PMS1: variants seen among roughly 807,000 people sequenced by gnomAD.
PMS1 encodes the protein PMS1 homolog 1, mismatch repair system component.
A neutral mutation model predicts 93.1 loss-of-function variants in PMS1; 79 were observed. The ratio of observed to expected loss-of-function variants is 0.85; its 90% CI spans 0.71 to 1.02. The LOEUF (loss-of-function observed/expected upper bound fraction) is 1.02, where lower values mean the gene tolerates loss of function less well. Among genes scored for constraint, PMS1 ranks in the 50% least tolerant of loss-of-function variants. The probability of loss-of-function intolerance (pLI) is 0.00; values close to 1 mark genes in which losing one functional copy is unlikely to be tolerated. For synonymous variants in PMS1, 335 were observed against 363.4 expected (o/e 0.92, Z 0.89); for missense variants, 1,064 against 1,085.3 (o/e 0.98, Z 0.28).
chr2:189,857,551 G>C (rs2055472908), intron 9 of PMS1: 2 of 423,138 alleles, frequency 4.7e-6, no homozygotes, highest in Non-Finnish European at 9.7e-6. Context: ...TAGACCTTCA[G>C]TCCATCCTTT....
intron 1 of PMS1, 118 bp from the exon 2 acceptor site, chr2:189,791,672 G>A (rs1396753946): frequency 1.4e-4 from 100 of 709,770 alleles, no homozygotes; most frequent in South Asian, 1.2e-3. Flanking sequence ...ACAGTTGAGC[G>A]TAGCATACAG....
intron 4 of PMS1, among the ~76,000 whole-genome samples, chr2:189,816,114 C>T (rs1383698284): frequency 2.0e-5 from 3 of 152,172 alleles, no homozygotes; most frequent in African/African-American, 4.8e-5. Context: ...CCAGTCTGGT[C>T]TCTACTTCCT....
At chr2:189,844,152 AG>A in intron 6 of PMS1, 72 bp downstream of exon 6, 1 of 1,604,272 alleles carries the variant, frequency 6.2e-7, no homozygotes, top group Non-Finnish European at 8.5e-7. Context: ...CCTTTGGGGG[AG>A]TTACAGTGGC....
At chr2:189,831,619 C>A (rs1392413151) in intron 5 of PMS1, among the ~76,000 whole-genome samples, 4 of 152,082 alleles carry the variant, frequency 2.6e-5, no homozygotes, top group African/African-American at 9.7e-5. Flanking sequence ...TAATGTATTA[C>A]CTTCATGAAT....
At chr2:189,842,636 G>A (rs1386038457) in intron 5 of PMS1, among the ~76,000 whole-genome samples, 5 of 152,188 alleles carry the variant, frequency 3.3e-5, no homozygotes, top group Non-Finnish European at 7.3e-5. Flanking sequence ...GAGGACAGCT[G>A]CCTCAGACAC....
Position 189,873,515 on chromosome 2 carries a change from T to C in PMS1, c.2493T>C (p.Asn831=), listed in dbSNP as rs576339546. 1.3e-6 allele frequency: 2 copies of C among 1,596,052 alleles called. No individual in the cohort carries two copies. The highest frequency in any genetic ancestry group is 2.2e-5 in the South Asian group (2 of 90,630). The part of the protein sequence containing the change: ...KLIPGVSITE[N]YLEIEGMANC... ...TTTCAGGAGTTTCAATTACTGAAAATTACTTGGAAATAGAAGGAATGGCTA... is the reference window on the plus strand; with the variant it reads ...TTTCAGGAGTTTCAATTACTGAAAACTACTTGGAAATAGAAGGAATGGCTA... Residue 831 remains asparagine, a synonymous_variant, in exon 12 of 13, where the codon AAT becomes AAC. Transcript: ENST00000441310.
intron 4 of PMS1, among the ~76,000 whole-genome samples, chr2:189,815,827 G>A (rs1385165923): frequency 1.3e-5 from 2 of 152,148 alleles, no homozygotes; most frequent in South Asian, 4.1e-4. Context: ...ACCCACATTA[G>A]CATCTTCTGT....
intron 3 of PMS1, among the ~76,000 whole-genome samples, chr2:189,801,752 T>A (rs1310086188): frequency 6.6e-6 from 1 of 152,226 alleles, no homozygotes; most frequent in Non-Finnish European, 1.5e-5. Flanking sequence ...TTTTTTTCAT[T>A]TATCAAGTGA....
Position 189,864,300 on chromosome 2 carries a change from G to A in PMS1, c.2342+72G>A. ...AGTTCATACTAGATTAAAATCGAAG[G>A]TAGAAGGTTGGGAATGTTTCCTAGT... On this transcript the variant is annotated intron_variant, in intron 10 of 12. Coordinates refer to ENST00000441310, the MANE Select transcript of PMS1 (RefSeq NM_000534.5). 2.8e-6 allele frequency: 3 copies of A among 1,056,894 alleles called. No homozygotes were observed. The South Asian group carries it at 3.8e-5, about 14-fold the overall frequency. The allele number at this position is 1,056,894 out of a possible 1,614,324, so 65.5% of individuals were successfully genotyped here.
intron 5 of PMS1, among the ~76,000 whole-genome samples, chr2:189,838,853 C>T (rs1027815012): frequency 6.6e-6 from 1 of 152,190 alleles, no homozygotes; most frequent in Admixed American, 6.5e-5. Context: ...AAAGCTGTAG[C>T]ATGATAGCTA....
chr2:189,818,701 C>T (rs1433629569), intron 5 of PMS1, among the ~76,000 whole-genome samples: 1 of 152,076 alleles, frequency 6.6e-6, no homozygotes, highest in Non-Finnish European at 1.5e-5. Flanking sequence ...TCTATATGAT[C>T]TGATTGAACT....
rs1238300469 is a variant in PMS1 at position 189,854,454 on chromosome 2, G to A, written c.1182G>A (p.Met394Ile). 1 of 1,612,164 alleles carries A rather than the reference G, an allele frequency of 6.2e-7. No homozygotes were observed. The highest frequency in any genetic ancestry group is 1.7e-5 in the Admixed American group (1 of 59,968). Residue 394 changes from methionine to isoleucine, a missense_variant, in exon 9 of 13, where the codon ATG becomes ATA. Met to Ile is a conservative substitution (Grantham distance 10). Coordinates refer to ENST00000441310, the MANE Select transcript of PMS1 (RefSeq NM_000534.5). ...CAGTCATTCCATTCCAAAATGATAT[G>A]CATAATGATGAATCTGGAAAAAACA... ...DTSVIPFQND[M>I]HNDESGKNTD...
At chr2:189,827,185 GAAC>G (rs906110408) in intron 5 of PMS1, among the ~76,000 whole-genome samples, 2 of 152,140 alleles carry the variant, frequency 1.3e-5, no homozygotes, top group African/African-American at 4.8e-5. Flanking sequence ...CAGTCAAATA[GAAC>G]AACATAATTG....
At chr2:189,794,628 T>C (rs943994553) in intron 2 of PMS1, among the ~76,000 whole-genome samples, 10 of 152,372 alleles carry the variant, frequency 6.6e-5, no homozygotes, top group South Asian at 4.1e-4. Flanking sequence ...TCTGTGGTCA[T>C]ACACATAAGA....
chr2:189,785,502 A>G (rs1463970096), intron 1 of PMS1: 1 of 152,200 alleles, frequency 6.6e-6, no homozygotes, highest in Non-Finnish European at 1.5e-5. Context: ...TCCATTTGGT[A>G]CACATATGGT....
At chr2:189,830,766 G>T (rs1174839365) in intron 5 of PMS1, among the ~76,000 whole-genome samples, 1 of 152,176 alleles carries the variant, frequency 6.6e-6, no homozygotes, top group Non-Finnish European at 1.5e-5. Context: ...CAGCCCAGCT[G>T]GACTGTAAGC....
intron 4 of PMS1, chr2:189,806,047 C>T: frequency 1.3e-6 from 1 of 761,236 alleles, no homozygotes; most frequent in Non-Finnish European, 1.9e-6. Flanking sequence ...CCAGTGTCAT[C>T]TTCATATATG....
intron 5 of PMS1, among the ~76,000 whole-genome samples, chr2:189,825,912 T>C (rs1309472408): frequency 6.6e-6 from 1 of 152,228 alleles, no homozygotes; most frequent in Admixed American, 6.5e-5. Context: ...CTCCGAAGTG[T>C]TGAATATCTC....
At chr2:189,812,519 G>A (rs780029651) in intron 4 of PMS1, among the ~76,000 whole-genome samples, 1 of 152,156 alleles carries the variant, frequency 6.6e-6, no homozygotes, top group Non-Finnish European at 1.5e-5. Flanking sequence ...ACTAGAAAAT[G>A]TGTGGAAAAA....
Sources: gnomAD v4.1 joint callset for allele counts (sites outside exome capture counted in the v4.1 genomes callset) on GRCh38, gnomAD v4.1.1 for gene constraint, MANE v1.5 for transcripts, NCBI Gene and HGNC (gene_info 2026-07-23, HGNC 2026-07-21) for gene names.